The following AGR3 variants were observed in gnomAD, a reference collection of about 807,000 sequenced individuals.
AGR3 encodes anterior gradient protein 3.
AGR3 carries 37 observed loss-of-function variants against 24.5 expected under a neutral mutation model. That is an observed-to-expected ratio of 1.51 (90% confidence interval 1.16 to 1.99). AGR3 has a LOEUF of 1.99. AGR3 is among the 30% of genes most tolerant of loss of function. AGR3 has a pLI of 0.00. For missense variants in AGR3, 228 were observed against 191.1 expected (o/e 1.19, Z -1.14); for synonymous variants, 75 against 61.6 (o/e 1.22, Z -1.02).
intron 2 of AGR3, among the ~76,000 whole-genome samples, chr7:16,875,080 T>C (rs6957816): frequency 6.7e-6 from 1 of 150,184 alleles, no homozygotes; most frequent in Non-Finnish European, 1.5e-5. Context: ...GCGCCACTGC[T>C]CTCCAGCCTG....
chr7:16,857,406 G>A (rs1363272958), downstream of AGR3, among the ~76,000 whole-genome samples: 2 of 152,062 alleles, frequency 1.3e-5, no homozygotes, highest in African/African-American at 4.8e-5. Context: ...AGAAAGATAA[G>A]TGAATGTTCA....
At chr7:16,868,963 T>C (rs1457994351) in intron 3 of AGR3, among the ~76,000 whole-genome samples, 1 of 152,218 alleles carries the variant, frequency 6.6e-6, no homozygotes, top group African/African-American at 2.4e-5. Context: ...TTGTTTCATG[T>C]GTCATGTGAT....
At chr7:16,881,465 A>C (rs574911985) in intron 1 of AGR3, among the ~76,000 whole-genome samples, 35 of 152,320 alleles carry the variant, frequency 2.3e-4, no homozygotes, top group African/African-American at 8.2e-4. Context: ...TACTTGGGGG[A>C]ACACAGATAA....
At chr7:16,864,267 T>C (rs779341866) in intron 3 of AGR3, 9 of 1,334,620 alleles carry the variant, frequency 6.7e-6, no homozygotes, top group Admixed American at 1.8e-5. Context: ...CTGGCTTCTA[T>C]GTCCCATCAC....
Position 16,860,533 on chromosome 7 carries a change from A to G in AGR3, c.418T>C (p.Leu140=), listed in dbSNP as rs755332031. 1.2e-5 allele frequency: 19 copies of G among 1,613,822 alleles called. No homozygotes were observed. The South Asian group carries it at 1.4e-4, about 12-fold the overall frequency. ...AAATCCCGAGGCTCATATGTGTACAATCTGTTAGAGTATCTTCCAGCTATG... is the reference window on the plus strand; with the variant it reads ...AAATCCCGAGGCTCATATGTGTACAGTCTGTTAGAGTATCTTCCAGCTATG... The part of the protein sequence containing the change: ...ADIAGRYSNR[L]YTYEPRDLPL... The change falls in exon 7 of 8, where the codon TTG becomes CTG. Residue 140 remains leucine, a synonymous_variant. Coordinates refer to ENST00000310398, the MANE Select transcript of AGR3 (RefSeq NM_176813.5).
intron 2 of AGR3, among the ~76,000 whole-genome samples, chr7:16,875,456 G>T (rs1406768250): frequency 6.6e-6 from 1 of 151,876 alleles, no homozygotes; most frequent in Admixed American, 6.6e-5. Flanking sequence ...ATTTTTTATG[G>T]TCAAATATTA....
chr7:16,863,058 A>C (rs1364014898), intron 3 of AGR3, among the ~76,000 whole-genome samples: 1 of 152,210 alleles, frequency 6.6e-6, no homozygotes, highest in Non-Finnish European at 1.5e-5. Context: ...TGACAGAGCG[A>C]GACTCTGTCT....
intron 2 of AGR3, among the ~76,000 whole-genome samples, chr7:16,874,495 A>T (rs189836934): frequency 3.9e-5 from 6 of 152,306 alleles, no homozygotes; most frequent in African/African-American, 1.2e-4. Context: ...GAATGTGTAT[A>T]AGCAATTAAA....
intron 1 of AGR3, among the ~76,000 whole-genome samples, chr7:16,880,546 TCTCCCCTCCTTTCCCCTC>T (rs1583850343): frequency 1.7e-4 from 9 of 52,564 alleles, no homozygotes; most frequent in South Asian, 8.2e-4. Flanking sequence ...CCTCCCCTCC[TCTCCCCTCCTTTCCCCTC>T]CTTTCCCCTC....
At chr7:16,857,930 T>G (rs1781575845), downstream of AGR3, among the ~76,000 whole-genome samples, 1 of 152,150 alleles carries the variant, frequency 6.6e-6, no homozygotes, top group Non-Finnish European at 1.5e-5. Context: ...GCAATTCAAA[T>G]TTTGCTAAAT....
intron 7 of AGR3, 111 bp downstream of exon 7, chr7:16,860,389 C>G: frequency 1.2e-6 from 1 of 826,476 alleles, no homozygotes; most frequent in Non-Finnish European, 2.0e-6. Context: ...AACACCACCA[C>G]TAGCCTCAGT....
chr7:16,869,411 A>G (rs1001968557), intron 3 of AGR3, among the ~76,000 whole-genome samples: 2 of 151,974 alleles, frequency 1.3e-5, no homozygotes, highest in African/African-American at 4.8e-5. Context: ...GATCCTTTCA[A>G]TTGCAGTTAA....
intron 3 of AGR3, chr7:16,864,277 C>T: frequency 1.5e-5 from 20 of 1,346,906 alleles, no homozygotes; most frequent in African/African-American, 2.9e-5. Flanking sequence ...TGTCCCATCA[C>T]TCTCATAGTC....
chr7:16,880,577 CTCCCCTCCTT>C (rs1782099232), intron 1 of AGR3, among the ~76,000 whole-genome samples: 4 of 134,168 alleles, frequency 3.0e-5, no homozygotes, highest in African/African-American at 1.1e-4. Context: ...TTCCCCTCCT[CTCCCCTCCTT>C]TCCCCTCCTT....
At chr7:16,880,911 C>T (rs1483428216) in intron 1 of AGR3, among the ~76,000 whole-genome samples, 1 of 152,114 alleles carries the variant, frequency 6.6e-6, no homozygotes, top group Non-Finnish European at 1.5e-5. Flanking sequence ...AACCTGGATC[C>T]AGCAGGCTTC....
At chr7:16,880,281 T>C (rs1219230849) in intron 1 of AGR3, among the ~76,000 whole-genome samples, 3 of 150,358 alleles carry the variant, frequency 2.0e-5, no homozygotes, top group African/African-American at 7.3e-5. Flanking sequence ...CTGCCTCAGC[T>C]TCCCAAGTAC....
intron 3 of AGR3, among the ~76,000 whole-genome samples, chr7:16,868,463 T>C (rs1401113978): frequency 1.3e-5 from 2 of 152,192 alleles, no homozygotes; most frequent in Non-Finnish European, 2.9e-5. Flanking sequence ...CCTGTATGTC[T>C]TCTTTTAAGA....
intron 1 of AGR3, 93 bp from the exon 2 acceptor site, chr7:16,878,738 A>G (rs1782044812): frequency 1.1e-6 from 1 of 918,582 alleles, no homozygotes; most frequent in Non-Finnish European, 1.7e-6. Context: ...TACTGTGATG[A>G]CAGACTGTTC....
chr7:16,864,998 C>T (rs1449233937), intron 3 of AGR3: 6 of 958,432 alleles, frequency 6.3e-6, no homozygotes, highest in Middle Eastern at 2.7e-4. Flanking sequence ...ATTTCTACTA[C>T]CTCCTCAGGT....
Sources: gnomAD v4.1 joint callset for allele counts (sites outside exome capture counted in the v4.1 genomes callset) on GRCh38, gnomAD v4.1.1 for gene constraint, MANE v1.5 for transcripts, NCBI Gene and HGNC (gene_info 2026-07-23, HGNC 2026-07-21) for gene names.